The following CSMD1 variants were observed in gnomAD, a reference collection of about 807,000 sequenced individuals.
CSMD1 encodes the protein CUB and Sushi multiple domains 1.
CSMD1 carries 213 observed loss-of-function variants against 417.5 expected under a neutral mutation model. That is an observed-to-expected ratio of 0.51 (90% CI 0.46 to 0.57). The LOEUF (loss-of-function observed/expected upper bound fraction) is 0.57, where lower values mean the gene tolerates loss of function less well. CSMD1 is among the 20% of genes least tolerant of loss of function. The probability of loss-of-function intolerance (pLI) is 0.00; values close to 1 mark genes in which losing one functional copy is unlikely to be tolerated. For missense variants in CSMD1, 6,923 were observed against 4,529.7 expected (o/e 1.53, Z -15.17); for synonymous variants, 2,862 against 1,736.8 (o/e 1.65, Z -16.11).
At chr8:3,479,036 G>A (rs886989590) in intron 11 of CSMD1, among the ~76,000 whole-genome samples, 9 of 151,598 alleles carry the variant, frequency 5.9e-5, no homozygotes, top group African/African-American at 1.7e-4. Flanking sequence ...TGCACTCCAA[G>A]CCTGGGAAAT....
At chr8:3,322,881 G>C (rs563884750) in intron 23 of CSMD1, among the ~76,000 whole-genome samples, 5 of 152,316 alleles carry the variant, frequency 3.3e-5, no homozygotes, top group South Asian at 2.1e-4. Context: ...GCAAATGCCT[G>C]ACTTAGGAAG....
At chr8:3,111,723 T>G (rs1023191679) in intron 42 of CSMD1, among the ~76,000 whole-genome samples, 3 of 151,916 alleles carry the variant, frequency 2.0e-5, no homozygotes, top group Non-Finnish European at 4.4e-5. Flanking sequence ...TCCCAAGTAC[T>G]TGGGGGGTTG....
intron 3 of CSMD1, among the ~76,000 whole-genome samples, chr8:4,207,595 T>A (rs1281219226): frequency 6.6e-6 from 1 of 152,174 alleles, no homozygotes; most frequent in Non-Finnish European, 1.5e-5. Flanking sequence ...TTAGGTTTAA[T>A]ATTCAATTCA....
intron 5 of CSMD1, among the ~76,000 whole-genome samples, chr8:3,791,154 G>A (rs974777342): frequency 6.6e-6 from 1 of 152,064 alleles, no homozygotes; most frequent in Non-Finnish European, 1.5e-5. Context: ...ATTCTTCTAG[G>A]TTATTACTTA....
intron 5 of CSMD1, among the ~76,000 whole-genome samples, chr8:3,833,467 G>A (rs1033938109): frequency 4.0e-5 from 6 of 151,830 alleles, no homozygotes; most frequent in African/African-American, 7.3e-5. Flanking sequence ...ATTTATTAAT[G>A]CTATCTTATT....
intron 2 of CSMD1, among the ~76,000 whole-genome samples, chr8:4,597,310 T>C (rs1800339424): frequency 6.6e-6 from 1 of 152,150 alleles, no homozygotes; most frequent in Non-Finnish European, 1.5e-5. Flanking sequence ...TATAAGATCC[T>C]TAAAATAACC....
At chr8:3,321,237 C>T (rs976020969) in intron 23 of CSMD1, among the ~76,000 whole-genome samples, 10 of 152,100 alleles carry the variant, frequency 6.6e-5, no homozygotes, top group African/African-American at 1.2e-4. Flanking sequence ...TGCTGACTAA[C>T]GGGTCGCCAA....
At chr8:3,758,668 T>G (rs925109179) in intron 5 of CSMD1, among the ~76,000 whole-genome samples, 4 of 152,192 alleles carry the variant, frequency 2.6e-5, no homozygotes, top group Non-Finnish European at 5.9e-5. Context: ...AGTTGAGATT[T>G]AGAAGAAAAG....
chr8:3,457,744 A>C (rs1175290740), intron 12 of CSMD1, among the ~76,000 whole-genome samples: 1 of 152,236 alleles, frequency 6.6e-6, no homozygotes, highest in Non-Finnish European at 1.5e-5. Context: ...AAAAATAATA[A>C]AGGTAATGAG....
intron 52 of CSMD1, among the ~76,000 whole-genome samples, chr8:3,011,954 G>C (rs974394476): frequency 3.9e-5 from 6 of 152,212 alleles, no homozygotes; most frequent in South Asian, 2.1e-4. Flanking sequence ...AAGTGCCTGA[G>C]AGAGTGGATA....
chr8:4,339,088 G>A (rs563349770), intron 3 of CSMD1, among the ~76,000 whole-genome samples: 7 of 152,186 alleles, frequency 4.6e-5, no homozygotes, highest in African/African-American at 1.7e-4. Flanking sequence ...CATGGATTCT[G>A]AGTCTAGACA....
chr8:4,899,909 T>C (rs1804756572), intron 1 of CSMD1, among the ~76,000 whole-genome samples: 2 of 152,132 alleles, frequency 1.3e-5, no homozygotes, highest in African/African-American at 4.8e-5. Context: ...GTCCCTAGAG[T>C]TTACCCATCA....
At chr8:3,146,265 G>A (rs778781897) in intron 40 of CSMD1, among the ~76,000 whole-genome samples, 2 of 151,912 alleles carry the variant, frequency 1.3e-5, no homozygotes, top group Non-Finnish European at 2.9e-5. Context: ...TCAAGAAAAC[G>A]GAGACCGAAA....
intron 2 of CSMD1, among the ~76,000 whole-genome samples, chr8:4,628,420 A>T (rs1802255895): frequency 8.6e-6 from 1 of 116,186 alleles, no homozygotes; most frequent in South Asian, 3.2e-4. Context: ...ATATATATAC[A>T]TATATATACA....
chr8:3,711,720 T>C (rs4875254), intron 6 of CSMD1, among the ~76,000 whole-genome samples: 87,456 of 152,030 alleles, frequency 0.58, 25,190 homozygotes, highest in Admixed American at 0.63. Flanking sequence ...CCCAGGATAA[T>C]GCTTTCATCC....
chr8:4,761,878 T>TAC (rs1812106026), intron 1 of CSMD1, among the ~76,000 whole-genome samples: 4 of 108,442 alleles, frequency 3.7e-5, no homozygotes, highest in Admixed American at 1.1e-4. Flanking sequence ...TATCTATCTA[T>TAC]CTATCTATCT....
intron 5 of CSMD1, among the ~76,000 whole-genome samples, chr8:3,843,743 G>A (rs1187117155): frequency 6.6e-6 from 1 of 152,172 alleles, no homozygotes; most frequent in Non-Finnish European, 1.5e-5. Flanking sequence ...TGGTCTTCGG[G>A]AAATGTTTTA....
rs1272001621 is a variant in CSMD1 at position 3,586,189 on chromosome 8, T to C, written c.1169A>G (p.Gln390Arg). ...VLQGSKSITC[Q>R]RVTETLAAWS... ...AGCAGCGAGCGTCTCTGTAACTCTC[T>C]GACAGGTGATGCTTTTAGATCCCTG... is the stretch of plus-strand genomic sequence containing the variant. The change falls in exon 9 of 70, where the codon CAG becomes CGG. Residue 390 changes from glutamine (Q) to arginine (R), a missense_variant. By Grantham distance (43) the Gln-to-Arg change is conservative. Transcript: ENST00000635120. 1.9e-6 allele frequency: 3 copies of C among 1,612,550 alleles called. No homozygotes were observed. The highest frequency in any genetic ancestry group is 1.7e-5 in the Admixed American group (1 of 59,814).
intron 25 of CSMD1, among the ~76,000 whole-genome samples, chr8:3,286,346 A>G (rs1803156856): frequency 6.6e-6 from 1 of 152,138 alleles, no homozygotes; most frequent in Non-Finnish European, 1.5e-5. Context: ...ATACCCAGTA[A>G]TGGGATGGCT....
Sources: gnomAD v4.1 joint callset for allele counts (sites outside exome capture counted in the v4.1 genomes callset) on GRCh38, gnomAD v4.1.1 for gene constraint, MANE v1.5 for transcripts, NCBI Gene and HGNC (gene_info 2026-07-23, HGNC 2026-07-21) for gene names.